RELN: variants seen among roughly 807,000 people sequenced by gnomAD.
RELN encodes the protein reelin.
In RELN, 108 loss-of-function variants were observed where a neutral mutation model predicts 427.6. That is an observed-to-expected ratio of 0.25 (90% CI 0.22 to 0.30). The LOEUF is 0.30. Among genes scored for constraint, RELN ranks in the 10% least tolerant of loss-of-function variants. The pLI is 1.00. For missense variants in RELN, 3,715 were observed against 4,302.8 expected (o/e 0.86, Z 3.82); for synonymous variants, 1,524 against 1,513.4 (o/e 1.01, Z -0.16).
rs758060725 is a variant in RELN at position 103,496,701 on chromosome 7, T to C, written c.9018A>G (p.Ile3006Met). The change falls in exon 56 of 65, where the codon ATA becomes ATG. Residue 3006 changes from isoleucine (I) to methionine (M), a missense_variant. Physicochemically the swap from Ile to Met is conservative, Grantham distance 10. Transcript: ENST00000428762. ...QKYISVRHDY[I>M]LLPEDALTNT... ...TGGTGAGGGCATCTTCAGGAAGAAG[T>C]ATGTAGTCGTGTCTAACAGAAATGT... The C allele has an allele frequency of 1.9e-6, 3 of 1,614,020 alleles. No homozygotes were observed. Among genetic ancestry groups the C allele is most frequent in the African/African-American group, 1.3e-5 (1 of 74,922 alleles).
rs372053659 is a variant in RELN at position 103,703,412 on chromosome 7, T to C, written c.806-2406A>G. On this transcript the variant is annotated intron_variant, in intron 8 of 64. Coordinates refer to ENST00000428762, the MANE Select transcript of RELN (RefSeq NM_005045.4). ...TGCCCAGATGGAAATGGCTCCTTGA[T>C]TCTGCCTAGGGTAAGATGAGGAAAG... 3.3e-5 allele frequency among the ~76,000 whole-genome samples: 5 copies of C among 152,206 alleles called. No homozygotes were observed. In the East Asian group the frequency reaches 9.6e-4, roughly 29 times the overall value.
chr7:103,692,137 G>C (rs1177204183), intron 10 of RELN, among the ~76,000 whole-genome samples: 4 of 152,110 alleles, frequency 2.6e-5, no homozygotes. Flanking sequence ...TTATAAACTA[G>C]ACCCTCTTGA....
At chr7:103,508,084 C>T (rs972627266) in intron 51 of RELN, among the ~76,000 whole-genome samples, 4 of 152,176 alleles carry the variant, frequency 2.6e-5, no homozygotes, top group African/African-American at 9.7e-5. Context: ...GGTGGATTCA[C>T]AGCTGTATTC....
intron 1 of RELN, among the ~76,000 whole-genome samples, chr7:103,943,899 A>T (rs975905379): frequency 9.3e-5 from 14 of 151,044 alleles, no homozygotes; most frequent in Non-Finnish European, 1.9e-4. Context: ...TCCCCACAAC[A>T]TCCATAGATA....
At chr7:103,619,594 T>C (rs1488595068) in intron 20 of RELN, among the ~76,000 whole-genome samples, 2 of 152,198 alleles carry the variant, frequency 1.3e-5, no homozygotes, top group African/African-American at 4.8e-5. Flanking sequence ...TGTTAATGAG[T>C]CTTCATTTTG....
chr7:103,544,834 T>C lies in RELN; in HGVS notation c.6523+290A>G, dbSNP rs362763. ...ATCCAAGATTAAGTCTCTATAGATATATTCTAAAATTGTCATTAGGCAGAA... is the reference window on the plus strand; with the variant it reads ...ATCCAAGATTAAGTCTCTATAGATACATTCTAAAATTGTCATTAGGCAGAA... On this transcript the variant is annotated intron_variant, in intron 42 of 64. Transcript: ENST00000428762. Among the ~76,000 whole-genome samples, 8,588 of 152,260 alleles carry C rather than the reference T, an allele frequency of 0.056. 362 individuals carry two copies. Among genetic ancestry groups the C allele is most frequent in the East Asian group, 0.25 (1,272 of 5,154 alleles).
intron 31 of RELN, among the ~76,000 whole-genome samples, chr7:103,567,140 A>G (rs917325544): frequency 6.6e-6 from 1 of 152,244 alleles, no homozygotes; most frequent in African/African-American, 2.4e-5. Flanking sequence ...TCTCCCTGGC[A>G]AAAAATCAAG....
rs368049573 is a variant in RELN, at chr7:103,917,167, G to T, written c.245C>A (p.Thr82Asn). ...TGTCACCAGCAAGCCGTCAAAAAAG[G>T]TGCTTGTTGAAATTGTCACTGAAAT... is the stretch of plus-strand genomic sequence containing the variant. ...QEYHVTISTSTFFDGLLVTGL... is the reference protein window; with the variant it reads ...QEYHVTISTSNFFDGLLVTGL... Residue 82 changes from threonine (T) to asparagine (N), a missense_variant, in exon 2 of 65, where the codon ACC (threonine) becomes AAC (asparagine). By Grantham distance (65) the Thr-to-Asn change is moderately conservative. This residue lies in a region of RELN where 2,208 missense variants were observed against 2,361.7 expected (regional missense o/e 0.93). Transcript: ENST00000428762. The T allele has an allele frequency of 1.9e-6, 3 of 1,613,406 alleles. No homozygotes were observed. The highest frequency in any genetic ancestry group is 8.5e-7 in the Non-Finnish European group (1 of 1,179,586).
At chr7:103,773,166 T>TTC (rs1289805486) in intron 4 of RELN, among the ~76,000 whole-genome samples, 76 of 82,426 alleles carry the variant, frequency 9.2e-4, no homozygotes, top group African/African-American at 1.8e-3. Context: ...CTTTCTTTCT[T>TTC]TTTCTTTCTT....
At chr7:103,719,036 A>G (rs1790009545) in intron 8 of RELN, among the ~76,000 whole-genome samples, 1 of 152,210 alleles carries the variant, frequency 6.6e-6, no homozygotes, top group Non-Finnish European at 1.5e-5. Flanking sequence ...AGAGAGAAAG[A>G]GGTTCTTTTG....
In RELN at chr7:103,521,822, A is replaced by G. The variant is rs11976900; in HGVS notation, c.7668+200T>C. 0.24 allele frequency among the ~76,000 whole-genome samples: 37,123 copies of G among 152,096 alleles called. 5,097 individuals are homozygous for G. Among genetic ancestry groups the G allele is most frequent in the African/African-American group, 0.38 (15,737 of 41,444 alleles). ...TAAAGTTATACTATATTTATTTTCT[A>G]ATTACTTGGTATAAAGTATAGTATA... On this transcript the variant is annotated intron_variant, in intron 48 of 64. Transcript: ENST00000428762.
At chr7:103,845,363 G>T (rs978299289) in intron 2 of RELN, among the ~76,000 whole-genome samples, 3 of 152,040 alleles carry the variant, frequency 2.0e-5, no homozygotes, top group Non-Finnish European at 4.4e-5. Context: ...TGTATTTTTA[G>T]AAAAGACAGC....
intron 3 of RELN, among the ~76,000 whole-genome samples, chr7:103,805,647 C>T (rs1792580445): frequency 6.6e-6 from 1 of 152,210 alleles, no homozygotes; most frequent in Non-Finnish European, 1.5e-5. Context: ...TGGCCTGGTG[C>T]TCACTTAATC....
intron 5 of RELN, among the ~76,000 whole-genome samples, chr7:103,751,323 T>C (rs1277826393): frequency 1.3e-5 from 2 of 152,226 alleles, no homozygotes; most frequent in African/African-American, 4.8e-5. Context: ...TAATTAAAAT[T>C]ACTTCCCAAT....
intron 34 of RELN, among the ~76,000 whole-genome samples, chr7:103,562,992 G>C (rs144407175): frequency 6.6e-6 from 1 of 152,202 alleles, no homozygotes; most frequent in East Asian, 1.9e-4. Context: ...CCTGGATTTT[G>C]TTCTGGCTTA....
At position 103,616,862 on chromosome 7, in the gene RELN, T is replaced by C. The variant is rs192888362; in HGVS notation, c.2703-5059A>G. Reference sequence around the variant, plus strand: ...TATTATAAGAAATGCTTCTATAATATACATCCTTGTATATCTTTGTGCACT... The same window carrying C: ...TATTATAAGAAATGCTTCTATAATACACATCCTTGTATATCTTTGTGCACT... On this transcript the variant is annotated intron_variant, in intron 20 of 64. Transcript: ENST00000428762. Among the ~76,000 whole-genome samples, 103 of 152,338 alleles carry C rather than the reference T, an allele frequency of 6.8e-4. 2 individuals carry two copies. The East Asian group carries it at 0.016, about 24-fold the overall frequency.
intron 1 of RELN, among the ~76,000 whole-genome samples, chr7:103,978,014 ATAT>A (rs1796916211): frequency 1.3e-5 from 2 of 152,242 alleles, no homozygotes; most frequent in Non-Finnish European, 2.9e-5. Context: ...TCACTAAGAA[ATAT>A]TTCTAAGGAG....
intron 18 of RELN, 47 bp from the exon 19 acceptor site, chr7:103,635,633 T>C (rs750733778): frequency 2.0e-5 from 30 of 1,505,986 alleles, no homozygotes; most frequent in Non-Finnish European, 2.8e-5. Context: ...ACATTTTTAA[T>C]CATAATGTTC....
chr7:103,639,364 T>C (rs935414116), intron 17 of RELN, among the ~76,000 whole-genome samples: 2 of 151,594 alleles, frequency 1.3e-5, no homozygotes, highest in African/African-American at 2.4e-5. Flanking sequence ...AACAAGCGCT[T>C]GGCTCATACA....
Sources: gnomAD v4.1 joint callset for allele counts (sites outside exome capture counted in the v4.1 genomes callset) on GRCh38, gnomAD v4.1.1 for gene constraint, gnomAD v4.1.1 regional missense constraint, MANE v1.5 for transcripts, NCBI Gene and HGNC (gene_info 2026-07-23, HGNC 2026-07-21) for gene names.